Variants in ACER1 observed in about 807,000 individuals in gnomAD.
ACER1 encodes CTB-180A7.3.
A neutral mutation model predicts 24.9 loss-of-function variants in ACER1; 28 were observed. That is an observed-to-expected ratio of 1.13 (90% confidence interval 0.83 to 1.54). The LOEUF is 1.54. ACER1 is among the 40% of genes most tolerant of loss of function. ACER1 has a pLI of 0.00. For missense variants in ACER1, 352 were observed against 349.3 expected (o/e 1.01, Z -0.06); for synonymous variants, 132 against 131.4 (o/e 1.00, Z -0.03).
At chr19:6,318,667 T>A (rs1480984771) in intron 1 of ACER1, among the ~76,000 whole-genome samples, 1 of 142,088 alleles carries the variant, frequency 7.0e-6, no homozygotes, top group African/African-American at 2.8e-5. Context: ...GCGCCTGTAG[T>A]CCCAGCTACT....
At chr19:6,348,824 G>A in the ACER1 span, among the ~76,000 whole-genome samples, 9 of 152,000 alleles carry the variant, frequency 5.9e-5, 1 homozygote, top group Admixed American at 2.6e-4. Context: ...TTGGGAGGCC[G>A]AGGCGGGTGG....
chr19:6,326,195 G>A (rs555464877), intron 1 of ACER1, among the ~76,000 whole-genome samples: 4 of 146,508 alleles, frequency 2.7e-5, no homozygotes, highest in African/African-American at 7.6e-5. Flanking sequence ...GCACCATCTC[G>A]GCTCACTGCA....
chr19:6,347,098 C>CAAAAAAA, the ACER1 span, among the ~76,000 whole-genome samples: 1,049 of 81,690 alleles, frequency 0.013, 21 homozygotes, highest in African/African-American at 0.026. Context: ...CCTGTCTCTA[C>CAAAAAAA]AAAAAAAAAA....
At chr19:6,326,058 G>A (rs181851572) in intron 1 of ACER1, among the ~76,000 whole-genome samples, 6 of 151,386 alleles carry the variant, frequency 4.0e-5, no homozygotes, top group Admixed American at 6.6e-5. Context: ...GGGCTCAAGC[G>A]ATTCTTCTGC....
chr19:6,329,453 T>A (rs1194730989), intron 1 of ACER1, among the ~76,000 whole-genome samples: 1 of 151,456 alleles, frequency 6.6e-6, no homozygotes. Context: ...TCTCGTTTTG[T>A]GCAACTTTTG....
chr19:6,307,419 T>G, intron 4 of ACER1, 129 bp from the exon 5 acceptor site: 1 of 1,092,988 alleles, frequency 9.1e-7, no homozygotes, highest in East Asian at 2.5e-5. Context: ...GAATTGAGGG[T>G]GCAAGCAGAG....
At chr19:6,318,513 C>T (rs1245205175) in intron 1 of ACER1, among the ~76,000 whole-genome samples, 1 of 149,874 alleles carries the variant, frequency 6.7e-6, no homozygotes, top group African/African-American at 2.5e-5. Flanking sequence ...CACAGTGGCT[C>T]ATGCCTGTAA....
chr19:6,319,866 C>T (rs1229689322), intron 1 of ACER1, among the ~76,000 whole-genome samples: 3 of 152,056 alleles, frequency 2.0e-5, no homozygotes, highest in East Asian at 1.9e-4. Context: ...AATCCCAGCA[C>T]TTTGGAAGGC....
At chr19:6,321,460 A>C (rs2091630462) in intron 1 of ACER1, among the ~76,000 whole-genome samples, 1 of 152,032 alleles carries the variant, frequency 6.6e-6, no homozygotes, top group African/African-American at 2.4e-5. Flanking sequence ...TCTTTAAAAA[A>C]AGAGAGTGAA....
chr19:6,323,300 G>A (rs999080171), intron 1 of ACER1, among the ~76,000 whole-genome samples: 3 of 151,438 alleles, frequency 2.0e-5, no homozygotes, highest in Non-Finnish European at 1.5e-5. Context: ...GGTGCCTGTA[G>A]TCCCAGCTAC....
At position 6,312,382 on chromosome 19, in the gene ACER1, T is replaced by C; in HGVS notation, c.208+3A>G. 6.2e-7 allele frequency: 1 copy of C among 1,613,908 alleles called. No individual in the cohort carries two copies. The highest frequency in any genetic ancestry group is 8.5e-7 in the Non-Finnish European group (1 of 1,179,954). On this transcript the variant is annotated splice_donor_region_variant and intron_variant, in intron 2 of 5. Transcript: ENST00000301452. ...GTCACAGACCTGAACCACACCTCCCTACCTATGATCATGAAGAGGACCCAG... is the reference window on the plus strand; with the variant it reads ...GTCACAGACCTGAACCACACCTCCCCACCTATGATCATGAAGAGGACCCAG...
At chr19:6,357,799 T>C in the ACER1 span, among the ~76,000 whole-genome samples, 1 of 151,666 alleles carries the variant, frequency 6.6e-6, no homozygotes, top group East Asian at 1.9e-4. Context: ...GGGGATCTCT[T>C]AGAGTGAAGA....
rs764323616 is a variant in ACER1 at position 6,333,508 on chromosome 19, C to T, written c.44G>A (p.Cys15Tyr). The change falls in exon 1 of 6, where the codon TGT becomes TAT. Residue 15 changes from cysteine to tyrosine, a missense_variant. Physicochemically the swap from Cys to Tyr is radical, Grantham distance 194. Transcript: ENST00000301452. Reference protein sequence around the residue: ...FAYQSSEVDWCESNFQYSELV... With the variant: ...FAYQSSEVDWYESNFQYSELV... Reference sequence around the variant, plus strand: ...CTCCGAGTACTGGAAGTTGCTCTCACACCAGTCCACCTCGGAGCTCTGATA... The same window carrying T: ...CTCCGAGTACTGGAAGTTGCTCTCATACCAGTCCACCTCGGAGCTCTGATA... 8 of 1,593,868 alleles carry T rather than the reference C, an allele frequency of 5.0e-6. No individual in the cohort carries two copies. The highest frequency in any genetic ancestry group is 1.7e-5 in the Admixed American group (1 of 57,230).
rs1290992679 is a variant in ACER1 at position 6,333,492 on chromosome 19, C to T, written c.60G>A (p.Gln20=). ...AGAACTCGGCCACCAGCTCCGAGTA[C>T]TGGAAGTTGCTCTCACACCAGTCCA... ...SEVDWCESNF[Q]YSELVAEFYN... is the part of the protein sequence containing the mutation. Residue 20 remains glutamine, a synonymous_variant, in exon 1 of 6, where the codon CAG becomes CAA. Transcript: ENST00000301452. The T allele has an allele frequency of 3.8e-6, 6 of 1,593,010 alleles. No homozygotes were observed. The highest frequency in any genetic ancestry group is 5.1e-6 in the Non-Finnish European group (6 of 1,169,254).
upstream of ACER1, chr19:6,333,630 C>T (rs770550596): frequency 2.1e-4 from 279 of 1,300,270 alleles, no homozygotes; most frequent in Non-Finnish European, 2.7e-4. Context: ...CCTGATGAGG[C>T]GGGGAGAGGA....
chr19:6,347,109 A>AAAAATATATATATATATATATAT, the ACER1 span, among the ~76,000 whole-genome samples: 20 of 113,764 alleles, frequency 1.8e-4, no homozygotes, highest in African/African-American at 8.6e-4. Context: ...AAAAAAAAAA[A>AAAAATATATATATATATATATAT]ATATATATAT....
At chr19:6,315,674 C>A (rs755675121) in intron 1 of ACER1, among the ~76,000 whole-genome samples, 13 of 148,054 alleles carry the variant, frequency 8.8e-5, no homozygotes, top group Non-Finnish European at 1.6e-4. Flanking sequence ...CCACCACGGC[C>A]AGCCTAATTT....
At chr19:6,349,464 GGAAA>G in the ACER1 span, among the ~76,000 whole-genome samples, 1 of 133,034 alleles carries the variant, frequency 7.5e-6, no homozygotes, top group Non-Finnish European at 1.6e-5. Flanking sequence ...AAGGAAGGAA[GGAAA>G]GAAGGAAGGA....
intron 4 of ACER1, among the ~76,000 whole-genome samples, chr19:6,308,049 C>T (rs552575844): frequency 2.1e-4 from 32 of 151,960 alleles, no homozygotes; most frequent in African/African-American, 3.4e-4. Flanking sequence ...CGCCACTGCA[C>T]GCCAGCCTGG....
Sources: gnomAD v4.1 joint callset for allele counts (sites outside exome capture counted in the v4.1 genomes callset) on GRCh38, gnomAD v4.1.1 for gene constraint, MANE v1.5 for transcripts, NCBI Gene and HGNC (gene_info 2026-07-23, HGNC 2026-07-21) for gene names.